The following MCM7 variants were observed in gnomAD, a reference collection of about 807,000 sequenced individuals.
MCM7 encodes DNA replication licensing factor MCM7.
MCM7 carries 95 observed loss-of-function variants against 83.5 expected under a neutral mutation model. The observed-to-expected ratio is 1.14, with a 90% confidence interval of 0.96 to 1.35. The LOEUF (loss-of-function observed/expected upper bound fraction) is 1.35. Among genes scored for constraint, MCM7 ranks in the 40% most tolerant of loss-of-function variants. MCM7 has a pLI of 0.00. For synonymous variants in MCM7, 461 were observed against 352.7 expected (o/e 1.31, Z -3.44); for missense variants, 1,087 against 957.4 (o/e 1.14, Z -1.79).
At chr7:100,101,190 C>G (rs1220835536) in intron 1 of MCM7, 74 bp downstream of exon 1, 4 of 1,587,076 alleles carry the variant, frequency 2.5e-6, no homozygotes, top group Non-Finnish European at 1.7e-6. Context: ...CCCCCAAGAC[C>G]CCAGCTCACA....
Position 100,092,875 on chromosome 7 carries a change from C to T in MCM7, c.*57G>A, listed in dbSNP as rs994989940. ...CCCCTCAAAGGCATCACTGCCCCTT[C>T]CCAAGGGGCAGGCCAGCAGGGAACA... On this transcript the variant is annotated 3_prime_UTR_variant, in exon 15 of 15. Transcript: ENST00000303887. 2.5e-6 allele frequency: 4 copies of T among 1,583,346 alleles called. No homozygotes were observed. Among genetic ancestry groups the T allele is most frequent in the Non-Finnish European group, 3.5e-6 (4 of 1,152,558 alleles).
At position 100,094,318 on chromosome 7, in the gene MCM7, T is replaced by C; in HGVS notation, c.1703A>G (p.Glu568Gly). Residue 568 changes from glutamate to glycine, a missense_variant, in exon 13 of 15, where the codon GAG becomes GGG. By Grantham distance (98) the Glu-to-Gly change is moderately conservative. Transcript: ENST00000303887. The part of the protein sequence containing the change: ...LMRRYIAMCR[E>G]KQPMVPESLA... The stretch of plus-strand genomic sequence containing the variant: ...AGACTCTGGCACCATGGGCTGCTTC[T>C]CGCGGCACATGGCTATGTAACGCCT... 6.2e-7 allele frequency: 1 copy of C among 1,614,120 alleles called. No homozygotes were observed. Among genetic ancestry groups the C allele is most frequent in the East Asian group, 2.2e-5 (1 of 44,886 alleles).
rs1383051095 is a variant in MCM7 at position 100,101,309 on chromosome 7, G to A, written c.-15C>T. 6.2e-7 allele frequency: 1 copy of A among 1,613,082 alleles called. No individual in the cohort carries two copies. Among genetic ancestry groups the A allele is most frequent in the East Asian group, 2.2e-5 (1 of 44,878 alleles). On this transcript the variant is annotated 5_prime_UTR_variant, in exon 1 of 15. In the 5' UTR this introduces an upstream ATG that the reference lacks. Coordinates refer to ENST00000303887, the MANE Select transcript of MCM7 (RefSeq NM_005916.5). ...TTCAGTGCCATCGCTGCCGAGGGCC[G>A]TGCGGCCGCGCTTGGCGGGCTCAGA...
chr7:100,100,797 T>A, intron 1 of MCM7: 2 of 994,988 alleles, frequency 2.0e-6, no homozygotes, highest in Non-Finnish European at 2.4e-6. Context: ...CGGCTCCACT[T>A]CCGCTCGGAG....
intron 13 of MCM7, chr7:100,093,732 C>T (rs759687643): frequency 3.1e-6 from 2 of 640,778 alleles, no homozygotes; most frequent in South Asian, 2.8e-5. Context: ...GCTTGGGGAG[C>T]TCAGCCAAGA....
rs1177950326 is a variant in MCM7 at position 100,099,140 on chromosome 7, G to A, written c.465C>T (p.Asp155=). The change falls in exon 5 of 15, where the codon GAC becomes GAT. Residue 155 remains aspartate (D), a synonymous_variant. Transcript: ENST00000303887. The stretch of plus-strand genomic sequence containing the variant: ...GCACAGTTACCAACTTCCCCACAGA[G>A]TCAGCCCGCACTTCCCGGATCACAC... The part of the protein sequence containing the change: ...KPRVIREVRA[D]SVGKLVTVRG... 1.9e-6 allele frequency: 3 copies of A among 1,614,014 alleles called. No homozygotes were observed. The highest frequency in any genetic ancestry group is 1.7e-5 in the Admixed American group (1 of 59,994).
In MCM7 at chr7:100,097,959, A is replaced by C; in HGVS notation, c.871-11T>G. 1 of 1,611,962 alleles carries C rather than the reference A, an allele frequency of 6.2e-7. No individual in the cohort carries two copies. ...TTCTGAGAGTAAACCCTTGGGCAGG[A>C]AAATGCCAGGATACAGATGTAATCC... On this transcript the variant is annotated splice_polypyrimidine_tract_variant and intron_variant, in intron 7 of 14. Transcript: ENST00000303887.
chr7:100,098,580 G>C lies in MCM7; in HGVS notation c.718C>G (p.His240Asp). The C allele has an allele frequency of 6.2e-7, 1 of 1,614,168 alleles. No homozygotes were observed. The part of the protein sequence containing the change: ...IKFQEMKMQE[H>D]SDQVPVGNIP... ...AGGGCCACGTACCCCAAACTCACAT[G>C]TTCTTGCATCTTCATCTCCTGGAAT... The change falls in exon 6 of 15, where the codon CAT (histidine) becomes GAT (aspartate). Residue 240 changes from histidine to aspartate, a missense_variant and splice_region_variant. Physicochemically the swap from His to Asp is moderately conservative, Grantham distance 81 (BLOSUM62 -1). Coordinates refer to ENST00000303887, the MANE Select transcript of MCM7 (RefSeq NM_005916.5).
chr7:100,099,315 G>T lies in MCM7; in HGVS notation c.365C>A (p.Pro122His). The T allele has an allele frequency of 6.2e-7, 1 of 1,613,898 alleles. No individual in the cohort carries two copies. The highest frequency in any genetic ancestry group is 8.5e-7 in the Non-Finnish European group (1 of 1,179,978). The change falls in exon 4 of 15, where the codon CCC becomes CAC. Residue 122 changes from proline (P) to histidine (H), a missense_variant. Coordinates refer to ENST00000303887, the MANE Select transcript of MCM7 (RefSeq NM_005916.5). ...RSRDPGMVRS[P>H]QNQYPAELMR... ...GAGTTCAGCAGGGTACTGGTTCTGG[G>T]GGCTTCGGACCATCCCAGGGTCCCG...
chr7:100,097,230 C>T (rs1447043820), intron 10 of MCM7, 71 bp downstream of exon 10: 2 of 1,366,874 alleles, frequency 1.5e-6, no homozygotes, highest in African/African-American at 2.9e-5. Flanking sequence ...AACATGCACC[C>T]CTACTTTTTG....
rs753115391 is a variant in MCM7 at position 100,100,057 on chromosome 7, T to C, written c.68A>G (p.Asp23Gly). Residue 23 changes from aspartate (D) to glycine (G), a missense_variant, in exon 2 of 15, where the codon GAT becomes GGT. Physicochemically the swap from Asp to Gly is moderately conservative, Grantham distance 94. Coordinates refer to ENST00000303887, the MANE Select transcript of MCM7 (RefSeq NM_005916.5). ...VKKFLQEFYQ[D>G]DELGKKQFKY... is the part of the protein sequence containing the mutation. ...GAACTGCTTCTTCCCGAGTTCATCATCCTGGTAGAACTCTTGTAAGAACTT... is the reference window on the plus strand; with the variant it reads ...GAACTGCTTCTTCCCGAGTTCATCACCCTGGTAGAACTCTTGTAAGAACTT... The C allele has an allele frequency of 6.2e-7, 1 of 1,614,156 alleles. No individual in the cohort carries two copies. The highest frequency in any genetic ancestry group is 8.5e-7 in the Non-Finnish European group (1 of 1,179,982).
intron 10 of MCM7, among the ~76,000 whole-genome samples, chr7:100,096,956 C>A (rs575470825): frequency 2.6e-5 from 4 of 152,102 alleles, no homozygotes; most frequent in South Asian, 4.2e-4. Context: ...AAAGAATTAG[C>A]CAGGCGTGGT....
Position 100,097,937 on chromosome 7 carries a change from TGA to T in MCM7, c.880_881del (p.Ser294ArgfsTer16), listed in dbSNP as rs1191182207. ...GFRQVVQGLL[S>X]ETYLEAHRIV... ...TCCGATGGGCTTCCAGGTAGGTTTC[TGA>T]GAGTAAACCCTTGGGCAGGAAAATG... On this transcript the variant is annotated frameshift_variant, in exon 8 of 15. Transcript: ENST00000303887. LOFTEE classifies it high-confidence loss of function. The T allele has an allele frequency of 2.5e-6, 4 of 1,614,198 alleles. No homozygotes were observed. Among genetic ancestry groups the T allele is most frequent in the Non-Finnish European group, 3.4e-6 (4 of 1,180,008 alleles).
intron 9 of MCM7, 59 bp downstream of exon 9, chr7:100,097,555 T>C: frequency 1.2e-6 from 2 of 1,610,858 alleles, no homozygotes; most frequent in Non-Finnish European, 8.5e-7. Context: ...ACACTTGTCA[T>C]CCTTTTTTCC....
intron 1 of MCM7, chr7:100,101,010 G>T: frequency 1.3e-6 from 1 of 766,886 alleles, no homozygotes; most frequent in Non-Finnish European, 2.0e-6. Flanking sequence ...GGGTTAGCGC[G>T]CCCCCAAGCC....
At chr7:100,099,250 C>T in intron 4 of MCM7, 29 bp downstream of exon 4, 1 of 1,614,110 alleles carries the variant, frequency 6.2e-7, no homozygotes, top group Non-Finnish European at 8.5e-7. Context: ...GAACCAATCC[C>T]TACATCTTTC....
intron 5 of MCM7, 71 bp downstream of exon 5, chr7:100,098,952 C>T: frequency 6.3e-7 from 1 of 1,587,464 alleles, no homozygotes; most frequent in Non-Finnish European, 8.6e-7. Flanking sequence ...CAATAGGCAT[C>T]ACAGGATCAA....
rs1795864240 is a variant in MCM7, at chr7:100,099,910, T to C, written c.111+104A>G. On this transcript the variant is annotated intron_variant, in intron 2 of 14. Coordinates refer to ENST00000303887, the MANE Select transcript of MCM7 (RefSeq NM_005916.5). ...CAGAGCGATACTCGCTTTTCAGCCC[T>C]CAAACCCTCTAATTGTTATGTCTTT... The C allele has an allele frequency of 2.8e-6, 4 of 1,428,030 alleles. No homozygotes were observed. In the South Asian group the frequency reaches 4.8e-5, roughly 17 times the overall value. The allele number at this position is 1,428,030 out of a possible 1,614,324, so 88.5% of individuals were successfully genotyped here.
At chr7:100,095,138 C>T (rs1051015576) in intron 12 of MCM7, among the ~76,000 whole-genome samples, 2 of 152,194 alleles carry the variant, frequency 1.3e-5, no homozygotes, top group Admixed American at 6.5e-5. Flanking sequence ...GAGATCACTA[C>T]ACTCCAGCCT....
Sources: gnomAD v4.1 joint callset for allele counts (sites outside exome capture counted in the v4.1 genomes callset) on GRCh38, gnomAD v4.1.1 for gene constraint, MANE v1.5 for transcripts, NCBI Gene and HGNC (gene_info 2026-07-23, HGNC 2026-07-21) for gene names.